Variants in FOCAD observed in about 807,000 individuals in gnomAD.
FOCAD encodes KIAA1797.
FOCAD carries 198 observed loss-of-function variants against 225.6 expected under a neutral mutation model. The ratio of observed to expected loss-of-function variants is 0.88; its 90% CI spans 0.78 to 0.99. The LOEUF (loss-of-function observed/expected upper bound fraction) is 0.99. Ranked by LOEUF, FOCAD falls within the 50% of genes least tolerant of loss-of-function variation. The probability of loss-of-function intolerance (pLI) is 0.00; values close to 1 mark genes in which losing one functional copy is unlikely to be tolerated. For missense variants in FOCAD, 2,713 were observed against 2,123.6 expected, an observed-to-expected ratio of 1.28 and a Z score of -5.46; for synonymous variants, 897 against 755.0, an observed-to-expected ratio of 1.19 and a Z score of -3.08.
chr9:20,830,832 A>G lies in FOCAD; in HGVS notation c.1920+7717A>G, dbSNP rs577925508. ...GCTGGGACTACAGGTGCATGCCACTATATTTGGCTAACTTAAATTTTTTGT... is the reference window on the plus strand; with the variant it reads ...GCTGGGACTACAGGTGCATGCCACTGTATTTGGCTAACTTAAATTTTTTGT... On this transcript the variant is annotated intron_variant, in intron 15 of 43. Coordinates refer to ENST00000338382, the MANE Select transcript of FOCAD (RefSeq NM_001375567.1). Among the ~76,000 whole-genome samples the G allele has an allele frequency of 1.1e-4, 17 of 152,002 alleles. No individual in the cohort carries two copies. In the East Asian group the frequency reaches 2.9e-3, roughly 26 times the overall value.
At chr9:20,765,882 C>G (rs1259922519) in intron 7 of FOCAD, among the ~76,000 whole-genome samples, 1 of 152,156 alleles carries the variant, frequency 6.6e-6, no homozygotes, top group Non-Finnish European at 1.5e-5. Flanking sequence ...GAACATATTT[C>G]AAAACGATCA....
chr9:20,929,413 C>G lies in FOCAD; in HGVS notation c.3134C>G (p.Thr1045Arg), dbSNP rs746401355. Residue 1045 changes from threonine to arginine, a missense_variant, in exon 27 of 44, where the codon ACG becomes AGG. Physicochemically the swap from Thr to Arg is moderately conservative, Grantham distance 71. Transcript: ENST00000338382. ...ASAIARSAAA[T>R]ALSLLVPVFI... Reference sequence around the variant, plus strand: ...GCCATTGCCCGTTCTGCTGCCGCCACGGCTTTGTCTCTCCTTGTGCCAGTT... The same window carrying G: ...GCCATTGCCCGTTCTGCTGCCGCCAGGGCTTTGTCTCTCCTTGTGCCAGTT... 7 of 1,613,974 alleles carry G rather than the reference C, an allele frequency of 4.3e-6. No individual in the cohort carries two copies.
intron 21 of FOCAD, among the ~76,000 whole-genome samples, chr9:20,892,976 A>G (rs1831752088): frequency 1.3e-5 from 2 of 152,126 alleles, no homozygotes; most frequent in Admixed American, 6.6e-5. Context: ...GAGTTGCCAA[A>G]GATTTATATA....
chr9:20,881,966 G>A lies in FOCAD; in HGVS notation c.2413G>A (p.Asp805Asn). 6.2e-7 allele frequency: 1 copy of A among 1,613,966 alleles called. No homozygotes were observed. The highest frequency in any genetic ancestry group is 1.1e-5 in the South Asian group (1 of 91,054). ...HSALKGGARS[D>N]QGKTVAGIPN... is the part of the protein sequence containing the mutation. The stretch of plus-strand genomic sequence containing the variant: ...TGCATTAAAAGGAGGTGCCCGCTCA[G>A]ACCAAGGAAAGACTGTAGCAGGAAT... Residue 805 changes from aspartate to asparagine, a missense_variant, in exon 20 of 44, where the codon GAC becomes AAC. Coordinates refer to ENST00000338382, the MANE Select transcript of FOCAD (RefSeq NM_001375567.1).
chr9:20,797,719 T>C (rs1821285551), intron 11 of FOCAD, among the ~76,000 whole-genome samples: 1 of 152,206 alleles, frequency 6.6e-6, no homozygotes, highest in South Asian at 2.1e-4. Flanking sequence ...TTTGCTGAAG[T>C]TGCTTATCAG....
intron 15 of FOCAD, among the ~76,000 whole-genome samples, chr9:20,852,480 G>C (rs1344842473): frequency 6.6e-6 from 1 of 151,416 alleles, no homozygotes; most frequent in Non-Finnish European, 1.5e-5. Context: ...GGGTGGGGGT[G>C]GGAGGATAGA....
intron 2 of FOCAD, among the ~76,000 whole-genome samples, chr9:20,715,692 G>GTT (rs200704791): frequency 6.6e-6 from 1 of 151,430 alleles, no homozygotes; most frequent in Admixed American, 6.6e-5. Flanking sequence ...ATGTTTGTTT[G>GTT]GTTTTTTTTG....
intron 27 of FOCAD, among the ~76,000 whole-genome samples, chr9:20,930,262 T>G (rs10511692): frequency 0.013 from 2,040 of 152,320 alleles, 50 homozygotes; most frequent in African/African-American, 0.046. Flanking sequence ...AAAGGTTTTT[T>G]TAGTGCATCA....
chr9:20,782,131 C>G (rs1296118879), intron 10 of FOCAD, among the ~76,000 whole-genome samples: 1 of 152,172 alleles, frequency 6.6e-6, no homozygotes, highest in South Asian at 2.1e-4. Context: ...TTTGAAAATG[C>G]TATATGATCT....
At chr9:20,693,090 A>G (rs941262858) in intron 1 of FOCAD, among the ~76,000 whole-genome samples, 1 of 152,174 alleles carries the variant, frequency 6.6e-6, no homozygotes, top group Non-Finnish European at 1.5e-5. Context: ...CCAAAGTAAA[A>G]GGCAGTCTTG....
At chr9:20,926,504 C>A in intron 26 of FOCAD, 87 bp downstream of exon 26, 1 of 857,726 alleles carries the variant, frequency 1.2e-6, no homozygotes, top group Non-Finnish European at 2.0e-6. Context: ...ATTATATAGG[C>A]CAGGCGCGGT....
At chr9:20,785,171 G>A (rs372236026) in intron 10 of FOCAD, among the ~76,000 whole-genome samples, 6 of 152,164 alleles carry the variant, frequency 3.9e-5, no homozygotes, top group African/African-American at 1.4e-4. Flanking sequence ...GTTAACTGAG[G>A]CATAAAGAAG....
intron 5 of FOCAD, among the ~76,000 whole-genome samples, chr9:20,755,762 T>C (rs1156513814): frequency 6.6e-6 from 1 of 152,162 alleles, no homozygotes; most frequent in African/African-American, 2.4e-5. Flanking sequence ...CTGAAATAAT[T>C]GTAGGTGCTA....
At chr9:20,952,262 A>G (rs1480768084) in intron 34 of FOCAD, among the ~76,000 whole-genome samples, 1 of 152,164 alleles carries the variant, frequency 6.6e-6, no homozygotes, top group Non-Finnish European at 1.5e-5. Context: ...GAATCATCTT[A>G]TACCCAGGTT....
intron 1 of FOCAD, among the ~76,000 whole-genome samples, chr9:20,696,928 G>A (rs144754532): frequency 1.8e-4 from 28 of 152,204 alleles, no homozygotes; most frequent in Non-Finnish European, 3.2e-4. Context: ...TGTAAAAGTC[G>A]GTCCTCTCCT....
intron 17 of FOCAD, 21 bp from the exon 18 acceptor site, chr9:20,866,908 T>TTTTC (rs1290974208): frequency 6.9e-6 from 6 of 868,420 alleles, no homozygotes; most frequent in Middle Eastern, 2.6e-4. Flanking sequence ...TTTTTTTTTT[T>TTTTC]TTTTTTTTTA....
At chr9:20,906,600 C>G (rs1157991273) in intron 21 of FOCAD, among the ~76,000 whole-genome samples, 3 of 151,990 alleles carry the variant, frequency 2.0e-5, no homozygotes, top group African/African-American at 4.8e-5. Flanking sequence ...CTTGTTTACC[C>G]ACACTGATTA....
At chr9:20,764,503 C>T (rs569118945) in intron 6 of FOCAD, among the ~76,000 whole-genome samples, 5 of 152,358 alleles carry the variant, frequency 3.3e-5, no homozygotes, top group Non-Finnish European at 5.9e-5. Context: ...CTGCCTGCCT[C>T]GGCCTCCCAA....
intron 19 of FOCAD, among the ~76,000 whole-genome samples, chr9:20,876,287 G>T (rs1830217068): frequency 1.3e-5 from 2 of 152,088 alleles, no homozygotes; most frequent in Non-Finnish European, 2.9e-5. Context: ...ATGAGTCCAA[G>T]GAAGGAAAAA....
Sources: allele counts gnomAD v4.1 joint callset (sites outside exome capture counted in the v4.1 genomes callset), GRCh38; gene constraint gnomAD v4.1.1; transcripts MANE v1.5; gene names NCBI Gene and HGNC (gene_info 2026-07-23, HGNC 2026-07-21).